SRGAP1: variants seen among roughly 807,000 people sequenced by gnomAD.
The protein encoded by SRGAP1 is SLIT-ROBO Rho GTPase activating protein 1.
SRGAP1 carries 43 observed loss-of-function variants against 121.9 expected under a neutral mutation model. The observed-to-expected ratio is 0.35, with a 90% CI of 0.28 to 0.46. The LOEUF (loss-of-function observed/expected upper bound fraction) is 0.46. Ranked by LOEUF, SRGAP1 falls within the 20% of genes least tolerant of loss-of-function variation. SRGAP1 has a pLI of 1.00. For missense variants in SRGAP1, 1,102 were observed against 1,350.9 expected, an observed-to-expected ratio of 0.82 and a Z score of 2.89; for synonymous variants, 447 against 485.4, an observed-to-expected ratio of 0.92 and a Z score of 1.04.
chr12:63,889,698 A>G (rs1900512689), intron 1 of SRGAP1, among the ~76,000 whole-genome samples: 1 of 152,094 alleles, frequency 6.6e-6, no homozygotes, highest in Non-Finnish European at 1.5e-5. Flanking sequence ...TCATGAGGGC[A>G]GGAGTTCAAG....
At chr12:64,033,133 CAT>C (rs2034820129) in intron 4 of SRGAP1, among the ~76,000 whole-genome samples, 1 of 152,038 alleles carries the variant, frequency 6.6e-6, no homozygotes. Context: ...CCTCCCTTTG[CAT>C]ATGTGTTCTC....
chr12:63,894,013 A>AT (rs978996871), intron 1 of SRGAP1, among the ~76,000 whole-genome samples: 3 of 151,884 alleles, frequency 2.0e-5, no homozygotes, highest in African/African-American at 7.3e-5. Context: ...TAATTTTTGT[A>AT]TTTTTTAGTA....
chr12:64,095,024 T>TA, intron 13 of SRGAP1, 32 bp downstream of exon 13: 5 of 1,612,388 alleles, frequency 3.1e-6, no homozygotes, highest in South Asian at 1.1e-5. Context: ...TCTTATTTTT[T>TA]AAAAAATCAC....
intron 14 of SRGAP1, among the ~76,000 whole-genome samples, chr12:64,096,791 G>T (rs1022410510): frequency 1.3e-5 from 2 of 152,132 alleles, no homozygotes; most frequent in Non-Finnish European, 2.9e-5. Flanking sequence ...TCACAATTCA[G>T]TGGCACCTAT....
At chr12:64,110,011 C>T (rs939669164) in intron 16 of SRGAP1, among the ~76,000 whole-genome samples, 7 of 152,094 alleles carry the variant, frequency 4.6e-5, no homozygotes, top group Non-Finnish European at 5.9e-5. Context: ...CATTCACAAA[C>T]GACAGTAGCA....
chr12:64,034,256 G>T (rs1190148536), intron 4 of SRGAP1, among the ~76,000 whole-genome samples: 1 of 152,040 alleles, frequency 6.6e-6, no homozygotes, highest in Non-Finnish European at 1.5e-5. Context: ...TTAAAAGTGT[G>T]TAGCACCTCC....
chr12:64,142,277 C>T lies in SRGAP1; in HGVS notation c.2881-18C>T, dbSNP rs768794474. On this transcript the variant is annotated intron_variant, in intron 21 of 21. Transcript: ENST00000355086. ...TTATCAGTCTGTGCTTTCTCTCTTTCCGATTATTCTTCAATAGGATATTGA... is the reference window on the plus strand; with the variant it reads ...TTATCAGTCTGTGCTTTCTCTCTTTTCGATTATTCTTCAATAGGATATTGA... 2 of 1,605,678 alleles carry T rather than the reference C, an allele frequency of 1.2e-6. No homozygotes were observed. The highest frequency in any genetic ancestry group is 2.2e-5 in the South Asian group (2 of 90,766).
chr12:64,072,108 CTGTGTGTGTGTGTGTGTG>C (rs66959510), intron 8 of SRGAP1, among the ~76,000 whole-genome samples: 6 of 80,428 alleles, frequency 7.5e-5, no homozygotes, highest in East Asian at 4.7e-4. Context: ...CAATCTCTCT[CTGTGTGTGTGTGTGTGTG>C]TGTGTGTGTG....
chr12:63,847,519 C>T (rs920005357), intron 1 of SRGAP1, among the ~76,000 whole-genome samples: 3 of 151,772 alleles, frequency 2.0e-5, no homozygotes, highest in Non-Finnish European at 2.9e-5. Context: ...TTTGGGAGAC[C>T]GAGGTGGGCG....
chr12:64,071,892 C>T (rs1039048081), intron 8 of SRGAP1, among the ~76,000 whole-genome samples: 7 of 151,282 alleles, frequency 4.6e-5, no homozygotes, highest in Non-Finnish European at 5.9e-5. Flanking sequence ...AAAAAAAAGT[C>T]GTGGGGCAGC....
chr12:63,976,538 G>A (rs1482695832), intron 1 of SRGAP1, among the ~76,000 whole-genome samples: 1 of 152,152 alleles, frequency 6.6e-6, no homozygotes, highest in Non-Finnish European at 1.5e-5. Flanking sequence ...TGGGACTCAT[G>A]ACTTTCAGTC....
At chr12:64,020,257 G>A (rs764474715) in intron 4 of SRGAP1, among the ~76,000 whole-genome samples, 4 of 152,124 alleles carry the variant, frequency 2.6e-5, no homozygotes, top group Non-Finnish European at 4.4e-5. Context: ...GCCAGATTGT[G>A]CAGATGATGG....
intron 1 of SRGAP1, among the ~76,000 whole-genome samples, chr12:63,941,726 C>G (rs74099395): frequency 0.02 from 2,986 of 150,704 alleles, 91 homozygotes; most frequent in African/African-American, 0.068. Flanking sequence ...CCTTTTCTAA[C>G]ATATTTCTAG....
At chr12:63,851,731 A>T (rs1899081729) in intron 1 of SRGAP1, among the ~76,000 whole-genome samples, 2 of 150,424 alleles carry the variant, frequency 1.3e-5, no homozygotes, top group Admixed American at 6.6e-5. Context: ...TGCCCAGCTA[A>T]TTTTTTTGTA....
Position 64,127,591 on chromosome 12 carries a change from G to T in SRGAP1, c.2407G>T (p.Asp803Tyr), listed in dbSNP as rs1284243929. ...PHQYIVVQDM[D>Y]DTFSDTLSQK... ...TCTCCATTCCTCTTACTGCTTCAGG[G>T]ATGATACGTTTTCAGACACTCTGAG... is the stretch of plus-strand genomic sequence containing the variant. Residue 803 changes from aspartate to tyrosine, a missense_variant and splice_region_variant, in exon 20 of 22, where the codon GAT becomes TAT. Around this residue, in one of 3 missense-constraint regions of SRGAP1, gnomAD observed 40 missense variants for 78.4 expected, o/e 0.51. Coordinates refer to ENST00000355086, the MANE Select transcript of SRGAP1 (RefSeq NM_020762.4). 3.7e-6 allele frequency: 6 copies of T among 1,612,732 alleles called. No individual in the cohort carries two copies. The highest frequency in any genetic ancestry group is 5.1e-6 in the Non-Finnish European group (6 of 1,179,432).
chr12:63,975,941 C>T (rs1565977879), intron 1 of SRGAP1, among the ~76,000 whole-genome samples: 1 of 152,074 alleles, frequency 6.6e-6, no homozygotes, highest in Non-Finnish European at 1.5e-5. Flanking sequence ...ATGGGGAAAC[C>T]ATACAACTTA....
chr12:63,954,405 G>A (rs984474049), intron 1 of SRGAP1, among the ~76,000 whole-genome samples: 1 of 152,048 alleles, frequency 6.6e-6, no homozygotes, highest in Non-Finnish European at 1.5e-5. Flanking sequence ...AGCACTGGGC[G>A]CCATGGCTCA....
chr12:63,861,661 GAT>G (rs1410713988), intron 1 of SRGAP1, among the ~76,000 whole-genome samples: 1 of 151,990 alleles, frequency 6.6e-6, no homozygotes, highest in Middle Eastern at 3.2e-3. Context: ...TAATTTCCAT[GAT>G]TATTATTTCT....
intron 1 of SRGAP1, among the ~76,000 whole-genome samples, chr12:63,880,389 G>A (rs938036287): frequency 1.3e-5 from 2 of 151,850 alleles, no homozygotes; most frequent in African/African-American, 4.8e-5. Context: ...ATGCCACCCC[G>A]CCTGACTAAT....
Sources: gnomAD v4.1 joint callset for allele counts (sites outside exome capture counted in the v4.1 genomes callset) on GRCh38, gnomAD v4.1.1 for gene constraint, gnomAD v4.1.1 regional missense constraint, MANE v1.5 for transcripts, NCBI Gene and HGNC (gene_info 2026-07-23, HGNC 2026-07-21) for gene names.